SQOR: variants seen among roughly 807,000 people sequenced by gnomAD.
SQOR encodes the protein sulfide quinone oxidoreductase.
A neutral mutation model predicts 48.6 loss-of-function variants in SQOR; 39 were observed. The observed-to-expected ratio is 0.80, with a 90% CI of 0.62 to 1.05. The LOEUF is 1.05. Among genes scored for constraint, SQOR ranks in the 50% least tolerant of loss-of-function variants. The pLI, the probability that SQOR is intolerant of heterozygous loss-of-function variation, is 0.00. For synonymous variants in SQOR, 220 were observed against 206.2 expected (o/e 1.07, Z -0.57); for missense variants, 561 against 559.9 (o/e 1.00, Z -0.02).
At chr15:45,640,309 G>C (rs1895082633) in intron 1 of SQOR, among the ~76,000 whole-genome samples, 1 of 152,024 alleles carries the variant, frequency 6.6e-6, no homozygotes, top group South Asian at 2.1e-4. Context: ...GAGAAGCAGG[G>C]GACCTTTGAT....
chr15:45,651,826 C>G (rs1467728408), intron 1 of SQOR, among the ~76,000 whole-genome samples: 1 of 152,036 alleles, frequency 6.6e-6, no homozygotes, highest in African/African-American at 2.4e-5. Context: ...GCTGCATTCT[C>G]CTGTATCATT....
chr15:45,640,692 G>C (rs1895090767), intron 1 of SQOR, among the ~76,000 whole-genome samples: 1 of 152,268 alleles, frequency 6.6e-6, no homozygotes, highest in African/African-American at 2.4e-5. Context: ...TGAACTCCTT[G>C]CATGTGAGAC....
At chr15:45,690,082 CTT>C (rs11449007) in intron 9 of SQOR, among the ~76,000 whole-genome samples, 30 of 136,974 alleles carry the variant, frequency 2.2e-4, no homozygotes, top group Admixed American at 3.0e-4. Flanking sequence ...CCTCTTCCTC[CTT>C]TTTTTTTTTT....
intron 1 of SQOR, among the ~76,000 whole-genome samples, chr15:45,651,147 G>A (rs993779946): frequency 3.9e-5 from 6 of 152,242 alleles, no homozygotes; most frequent in Non-Finnish European, 8.8e-5. Context: ...CCCAAGCCCT[G>A]CCCTGTGGGG....
intron 2 of SQOR, among the ~76,000 whole-genome samples, chr15:45,659,909 C>T (rs947197208): frequency 1.3e-5 from 2 of 152,162 alleles, no homozygotes. Context: ...AAATCAATGG[C>T]CACTGCACTT....
At chr15:45,673,897 T>G in intron 5 of SQOR, 96 bp downstream of exon 5, 2 of 1,231,622 alleles carry the variant, frequency 1.6e-6, no homozygotes, top group Non-Finnish European at 1.1e-6. Context: ...AATCCCTTTT[T>G]TATCTCGGAA....
intron 8 of SQOR, 26 bp downstream of exon 8, chr15:45,688,430 G>GAGACAGTGAT: frequency 6.7e-7 from 1 of 1,501,824 alleles, no homozygotes; most frequent in Non-Finnish European, 9.2e-7. Flanking sequence ...AAGAATCACT[G>GAGACAGTGAT]TCTCAATGAT....
chr15:45,669,476 T>G lies in SQOR; in HGVS notation c.406-452T>G, dbSNP rs1373272355. Among the ~76,000 whole-genome samples, 3 of 152,196 alleles carry G rather than the reference T, an allele frequency of 2.0e-5. No homozygotes were observed. The South Asian group carries it at 6.2e-4, about 32-fold the overall frequency. ...ACTGTGCCTGGCCTACCCCATAGAT[T>G]TTAGACAGTGGATTGTCTTTTAAGA... On this transcript the variant is annotated intron_variant, in intron 3 of 9. Coordinates refer to ENST00000260324, the MANE Select transcript of SQOR (RefSeq NM_021199.4).
intron 1 of SQOR, among the ~76,000 whole-genome samples, chr15:45,653,372 A>G (rs73422319): frequency 0.065 from 9,862 of 152,240 alleles, 1,139 homozygotes; most frequent in African/African-American, 0.23. Flanking sequence ...AACTACTCAA[A>G]GAACTCAGGG....
At chr15:45,635,734 G>GC (rs1344463249) in intron 1 of SQOR, among the ~76,000 whole-genome samples, 3 of 152,180 alleles carry the variant, frequency 2.0e-5, no homozygotes, top group Admixed American at 6.5e-5. Flanking sequence ...GCTGAACAGA[G>GC]CCCCTGGCTT....
At chr15:45,648,472 A>T (rs72715003) in intron 1 of SQOR, among the ~76,000 whole-genome samples, 15,597 of 152,290 alleles carry the variant, frequency 0.1, 868 homozygotes, top group Middle Eastern at 0.24. Flanking sequence ...CACCACACCC[A>T]GCCAGAATAG....
At chr15:45,689,412 C>A in intron 9 of SQOR, 195 bp downstream of exon 9, 2 of 448,650 alleles carry the variant, frequency 4.5e-6, no homozygotes, top group Non-Finnish European at 7.7e-6. Context: ...TCATCTGCTA[C>A]CTTACTTTTT....
At chr15:45,635,470 C>G (rs1456117779) in intron 1 of SQOR, among the ~76,000 whole-genome samples, 2 of 152,152 alleles carry the variant, frequency 1.3e-5, no homozygotes, top group Non-Finnish European at 2.9e-5. Flanking sequence ...CGTCCTGGAG[C>G]GGGAGTGGGT....
chr15:45,682,466 CTT>C lies in SQOR; in HGVS notation c.865-10_865-9del, dbSNP rs765452788. ...GAATAAATGAAAATGTGGATTCTCT[CTT>C]TGTGTGTAGTATGAAATGCTTCATG... On this transcript the variant is annotated splice_polypyrimidine_tract_variant and intron_variant, in intron 6 of 9. Coordinates refer to ENST00000260324, the MANE Select transcript of SQOR (RefSeq NM_021199.4). 10 of 1,613,648 alleles carry C rather than the reference CTT, an allele frequency of 6.2e-6. No individual in the cohort carries two copies. In the South Asian group the frequency reaches 6.6e-5, roughly 11 times the overall value.
At chr15:45,634,225 T>TATATATATATATATATA (rs1566912034), upstream of SQOR, among the ~76,000 whole-genome samples, 143 of 125,756 alleles carry the variant, frequency 1.1e-3, no homozygotes, top group Non-Finnish European at 1.3e-3. Flanking sequence ...TATATATATA[T>TATATATATATATATATA]TCAAAATTCA....
chr15:45,659,224 G>A, intron 2 of SQOR, 67 bp downstream of exon 2: 2 of 1,302,872 alleles, frequency 1.5e-6, no homozygotes, highest in Non-Finnish European at 1.0e-6. Context: ...GTGTGTGTGT[G>A]TGTGTTCTGG....
Position 45,673,726 on chromosome 15 carries a change from C to T in SQOR, c.579C>T (p.Thr193=). 2 of 1,614,170 alleles carry T rather than the reference C, an allele frequency of 1.2e-6. No homozygotes were observed. The highest frequency in any genetic ancestry group is 1.1e-5 in the South Asian group (1 of 91,078). The change falls in exon 5 of 10, where the codon ACC becomes ACT. Residue 193 remains threonine, a synonymous_variant. Transcript: ENST00000260324. ...QDFKEGNAIF[T]FPNTPVKCAG... ...TCAAAGAGGGCAATGCCATCTTCAC[C>T]TTCCCAAATACTCCAGTGAAGTGTG...
At chr15:45,632,747 C>T (rs1269514121), upstream of SQOR, among the ~76,000 whole-genome samples, 1 of 151,968 alleles carries the variant, frequency 6.6e-6, no homozygotes, top group African/African-American at 2.4e-5. Flanking sequence ...AGTCTATTGG[C>T]ATTTAGAGAG....
At position 45,682,469 on chromosome 15, in the gene SQOR, T is replaced by C. The variant is rs751536529; in HGVS notation, c.865-9T>C. ...TAAATGAAAATGTGGATTCTCTCTT[T>C]GTGTGTAGTATGAAATGCTTCATGT... is the stretch of plus-strand genomic sequence containing the variant. On this transcript the variant is annotated splice_polypyrimidine_tract_variant and intron_variant, in intron 6 of 9. Coordinates refer to ENST00000260324, the MANE Select transcript of SQOR (RefSeq NM_021199.4). 6.2e-7 allele frequency: 1 copy of C among 1,613,804 alleles called. No homozygotes were observed. Among genetic ancestry groups the C allele is most frequent in the South Asian group, 1.1e-5 (1 of 91,058 alleles).
Sources: allele counts gnomAD v4.1 joint callset (sites outside exome capture counted in the v4.1 genomes callset), GRCh38; gene constraint gnomAD v4.1.1; transcripts MANE v1.5; gene names NCBI Gene and HGNC (gene_info 2026-07-23, HGNC 2026-07-21).